The following PCNP variants were observed in gnomAD, a reference collection of about 807,000 sequenced individuals.
PCNP encodes PEST proteolytic signal containing nuclear protein, also known as PEST proteolytic signal-containing nuclear protein.
PCNP carries 6 observed loss-of-function variants against 21.8 expected under a neutral mutation model. The observed-to-expected ratio is 0.28, with a 90% confidence interval of 0.15 to 0.54. The LOEUF (loss-of-function observed/expected upper bound fraction) is 0.54. Ranked by LOEUF, PCNP falls within the 20% of genes least tolerant of loss-of-function variation. PCNP has a pLI of 0.95. For synonymous variants in PCNP, 67 were observed against 73.2 expected (o/e 0.92, Z 0.43); for missense variants, 161 against 215.5 (o/e 0.75, Z 1.58).
At chr3:101,574,398 G>A (rs1934743402) in intron 1 of PCNP, 119 bp downstream of exon 1, 1 of 1,289,412 alleles carries the variant, frequency 7.8e-7, no homozygotes, top group African/African-American at 1.5e-5. Flanking sequence ...ACCCGGCCAG[G>A]TGTTGGGCCC....
rs1349527236 is a variant in PCNP at position 101,574,211 on chromosome 3, G to T, written c.-5G>T. ...GTGGCTGCAGGGGAGGCCGCGGCGG[G>T]GAAAATGGCGGACGGGAAGGCGGGA... On this transcript the variant is annotated 5_prime_UTR_variant, in exon 1 of 5. Coordinates refer to ENST00000265260, the MANE Select transcript of PCNP (RefSeq NM_020357.3). 1 of 1,549,620 alleles carries T rather than the reference G, an allele frequency of 6.5e-7. No homozygotes were observed. The highest frequency in any genetic ancestry group is 8.7e-7 in the Non-Finnish European group (1 of 1,145,912).
chr3:101,588,954 A>G (rs1354307221), intron 3 of PCNP, among the ~76,000 whole-genome samples: 1 of 152,246 alleles, frequency 6.6e-6, no homozygotes, highest in East Asian at 1.9e-4. Context: ...TACCTTTTGT[A>G]ATTAAAATTT....
chr3:101,581,465 A>G (rs1935217398), intron 2 of PCNP, among the ~76,000 whole-genome samples: 2 of 151,516 alleles, frequency 1.3e-5, no homozygotes, highest in Admixed American at 1.3e-4. Context: ...GGAGTCTCTC[A>G]CTCTGTCATC....
At chr3:101,584,998 T>C (rs1330305305) in intron 2 of PCNP, among the ~76,000 whole-genome samples, 2 of 152,182 alleles carry the variant, frequency 1.3e-5, no homozygotes, top group Non-Finnish European at 2.9e-5. Context: ...AGCAAGACTC[T>C]GTTCTCAAAA....
intron 3 of PCNP, among the ~76,000 whole-genome samples, chr3:101,588,198 G>C (rs141677339): frequency 5.9e-5 from 9 of 152,286 alleles, no homozygotes; most frequent in South Asian, 2.1e-4. Flanking sequence ...TTGAACCCGG[G>C]GGGTGGAGGT....
intron 2 of PCNP, among the ~76,000 whole-genome samples, chr3:101,584,315 T>G (rs1299246658): frequency 6.6e-6 from 1 of 152,070 alleles, no homozygotes; most frequent in East Asian, 1.9e-4. Context: ...AAAAAAAAAT[T>G]TTTTTAGAGA....
chr3:101,590,352 C>G (rs1202049127), intron 4 of PCNP, 82 bp downstream of exon 4: 1 of 761,494 alleles, frequency 1.3e-6, no homozygotes, highest in South Asian at 1.6e-5. Context: ...TCTTACAGTT[C>G]AGGCTTTTCT....
At chr3:101,576,985 G>A in intron 1 of PCNP, 5 of 935,102 alleles carry the variant, frequency 5.3e-6, no homozygotes, top group Middle Eastern at 3.2e-4. Context: ...GCCTCCTGTG[G>A]AGGAGCAATT....
chr3:101,586,571 TGAGA>T (rs1553771573), intron 3 of PCNP, among the ~76,000 whole-genome samples: 11 of 114,202 alleles, frequency 9.6e-5, no homozygotes, highest in Admixed American at 4.5e-4. Flanking sequence ...TGTGTGTGTG[TGAGA>T]GAGAGAGAGA....
At chr3:101,578,755 G>A (rs574024382) in intron 1 of PCNP, among the ~76,000 whole-genome samples, 1 of 151,990 alleles carries the variant, frequency 6.6e-6, no homozygotes, top group South Asian at 2.1e-4. Context: ...CCCCATTCTA[G>A]CTCTGTGTCC....
intron 3 of PCNP, among the ~76,000 whole-genome samples, chr3:101,587,398 CAGTA>C (rs1324601400): frequency 5.9e-5 from 9 of 151,974 alleles, no homozygotes; most frequent in African/African-American, 2.2e-4. Flanking sequence ...GAGCCCAAAT[CAGTA>C]AGCAGAAAAT....
intron 1 of PCNP, among the ~76,000 whole-genome samples, chr3:101,579,099 G>C (rs1017982264): frequency 8.6e-5 from 13 of 150,844 alleles, no homozygotes; most frequent in African/African-American, 2.9e-4. Flanking sequence ...CATCTTTCAT[G>C]AAAAAAACTA....
rs117829377 is a variant in PCNP at position 101,587,279 on chromosome 3, C to T, written c.354+1768C>T. ...AAAAAAAAAAAATACTTTTGTAAGC[C>T]TAGCTATCAATTTTCAGGTCACAAG... On this transcript the variant is annotated intron_variant, in intron 3 of 4. Transcript: ENST00000265260. 6.1e-4 allele frequency among the ~76,000 whole-genome samples: 93 copies of T among 151,992 alleles called. No individual in the cohort carries two copies. The East Asian group carries it at 0.018, about 29-fold the overall frequency.
At chr3:101,576,805 G>C in intron 1 of PCNP, 1 of 1,609,936 alleles carries the variant, frequency 6.2e-7, no homozygotes, top group Non-Finnish European at 8.5e-7. Flanking sequence ...GTCAGTGTCT[G>C]CTTTCCTCAA....
chr3:101,577,725 T>C (rs1048857854), intron 1 of PCNP, among the ~76,000 whole-genome samples: 4 of 152,150 alleles, frequency 2.6e-5, no homozygotes, highest in African/African-American at 9.7e-5. Context: ...GGTTTTGCCA[T>C]GTTGCCCAGG....
intron 2 of PCNP, among the ~76,000 whole-genome samples, chr3:101,583,639 ATTTT>A (rs71132575): frequency 0.37 from 55,972 of 150,960 alleles, 10,539 homozygotes; most frequent in East Asian, 0.41. Context: ...AGGTCAGGAG[ATTTT>A]TTTGTTTTGT....
chr3:101,587,492 C>T (rs1003538334), intron 3 of PCNP, among the ~76,000 whole-genome samples: 4 of 151,720 alleles, frequency 2.6e-5, no homozygotes, highest in African/African-American at 4.8e-5. Context: ...TTAGCCACTG[C>T]GATGTTATAA....
intron 3 of PCNP, among the ~76,000 whole-genome samples, chr3:101,589,410 C>CTTTTTTTTTTTTTT (rs35442732): frequency 1.4e-5 from 2 of 146,044 alleles, no homozygotes; most frequent in Non-Finnish European, 1.5e-5. Flanking sequence ...AATGAGCTCT[C>CTTTTTTTTTTTTTT]TTTTTTTTTT....
chr3:101,574,141 C>T, upstream of PCNP: 1 of 1,518,596 alleles, frequency 6.6e-7, no homozygotes, highest in East Asian at 2.5e-5. Context: ...GCCGGCTGGC[C>T]CCAAAAACTC....
Sources: gnomAD v4.1 joint callset for allele counts (sites outside exome capture counted in the v4.1 genomes callset) on GRCh38, gnomAD v4.1.1 for gene constraint, MANE v1.5 for transcripts, NCBI Gene and HGNC (gene_info 2026-07-23, HGNC 2026-07-21) for gene names.